The following SAMSN1 variants were observed in gnomAD, a reference collection of about 807,000 sequenced individuals.
The protein encoded by SAMSN1 is SAM domain-containing protein SAMSN-1.
SAMSN1 carries 31 observed loss-of-function variants against 42.0 expected under a neutral mutation model. The ratio of observed to expected loss-of-function variants is 0.74; its 90% CI spans 0.55 to 1.00. The LOEUF (loss-of-function observed/expected upper bound fraction) is 1.00, where lower values mean the gene tolerates loss of function less well. Ranked by LOEUF, SAMSN1 falls within the 50% of genes least tolerant of loss-of-function variation. The pLI, the probability that SAMSN1 is intolerant of heterozygous loss-of-function variation, is 0.00. For missense variants in SAMSN1, 464 were observed against 439.4 expected (o/e 1.06, Z -0.50); for synonymous variants, 178 against 151.9 (o/e 1.17, Z -1.26).
At chr21:14,577,272 ATATATATATATATTTT>A (rs1332959943) in intron 2 of SAMSN1, among the ~76,000 whole-genome samples, 1 of 49,602 alleles carries the variant, frequency 2.0e-5, no homozygotes, top group African/African-American at 1.2e-4. Context: ...ATATATATAT[ATATATATATATATTTT>A]TTTTTTAGAA....
At position 14,510,452 on chromosome 21, in the gene SAMSN1, G is replaced by A. The variant is rs1343654698; in HGVS notation, c.419C>T (p.Thr140Ile). Residue 140 changes from threonine (T) to isoleucine (I), a missense_variant, in exon 5 of 8, where the codon ACA becomes ATA. Coordinates refer to ENST00000400566, the MANE Select transcript of SAMSN1 (RefSeq NM_022136.5). ...YSGQSSSSGI[T>I]SCSDGTSNRD... ...GTTACTTGTACCATCTGAACAGCTT[G>A]TTATGCCACCTGATGAAAGCAGAAG... 4 of 1,614,178 alleles carry A rather than the reference G, an allele frequency of 2.5e-6. No individual in the cohort carries two copies. The African/African-American group carries it at 4.0e-5, about 16-fold the overall frequency.
At chr21:14,634,034 A>G (rs1983399957) in intron 2 of SAMSN1, among the ~76,000 whole-genome samples, 1 of 152,138 alleles carries the variant, frequency 6.6e-6, no homozygotes, top group African/African-American at 2.4e-5. Context: ...ATTAAACTTG[A>G]TTTTTAAAAT....
At chr21:14,540,301 T>G (rs1314620260) in intron 1 of SAMSN1, among the ~76,000 whole-genome samples, 1 of 152,172 alleles carries the variant, frequency 6.6e-6, no homozygotes, top group Non-Finnish European at 1.5e-5. Context: ...TGGGATCTAA[T>G]TGAACTAAAG....
chr21:14,492,649 C>T (rs1986742420), intron 7 of SAMSN1, among the ~76,000 whole-genome samples: 1 of 152,168 alleles, frequency 6.6e-6, no homozygotes, highest in African/African-American at 2.4e-5. Flanking sequence ...AGTGAAAAAT[C>T]TGTGAACACT....
At chr21:14,565,540 T>A (rs1981090535) in intron 2 of SAMSN1, among the ~76,000 whole-genome samples, 1 of 152,138 alleles carries the variant, frequency 6.6e-6, no homozygotes, top group Non-Finnish European at 1.5e-5. Flanking sequence ...TGTATTTGTT[T>A]CCTTTTAACA....
intron 1 of SAMSN1, among the ~76,000 whole-genome samples, chr21:14,646,564 A>G (rs1983717628): frequency 6.6e-6 from 1 of 152,198 alleles, no homozygotes; most frequent in Admixed American, 6.5e-5. Context: ...GCAATAAATA[A>G]TCACCTGAAG....
chr21:14,550,291 C>G (rs1980555513), upstream of SAMSN1, among the ~76,000 whole-genome samples: 1 of 152,050 alleles, frequency 6.6e-6, no homozygotes, highest in Non-Finnish European at 1.5e-5. Context: ...TTTACTAATT[C>G]CTTTCTCTAA....
chr21:14,603,949 T>A (rs968717537), intron 5 of SAMSN1, among the ~76,000 whole-genome samples: 1 of 152,154 alleles, frequency 6.6e-6, no homozygotes, highest in African/African-American at 2.4e-5. Context: ...GATTTTAATG[T>A]AAAATTTCCT....
chr21:14,564,970 C>A (rs1419279819), intron 2 of SAMSN1, among the ~76,000 whole-genome samples: 1 of 151,954 alleles, frequency 6.6e-6, no homozygotes, highest in African/African-American at 2.4e-5. Context: ...AAAGGGCACA[C>A]CAGGGAGCTT....
intron 2 of SAMSN1, chr21:14,581,991 G>A (rs1431646328): frequency 7.5e-6 from 5 of 670,498 alleles, no homozygotes; most frequent in Admixed American, 3.2e-5. Context: ...CAAGAGTTTG[G>A]TTGCTTTTTG....
intron 2 of SAMSN1, among the ~76,000 whole-genome samples, chr21:14,628,712 G>C (rs141899467): frequency 6.6e-6 from 1 of 152,288 alleles, no homozygotes; most frequent in African/African-American, 2.4e-5. Context: ...GTAAATGTCA[G>C]AGCCCAGTCA....
At chr21:14,490,790 C>G (rs897792164) in intron 7 of SAMSN1, among the ~76,000 whole-genome samples, 40 of 152,248 alleles carry the variant, frequency 2.6e-4, no homozygotes, top group Admixed American at 2.5e-3. Context: ...TCTTGCATAT[C>G]TCTTTTTGGA....
intron 2 of SAMSN1, among the ~76,000 whole-genome samples, chr21:14,578,889 G>A (rs895949709): frequency 1.3e-5 from 2 of 151,614 alleles, no homozygotes; most frequent in Non-Finnish European, 2.9e-5. Context: ...CAAAAATGTC[G>A]CCTCTGACTA....
In SAMSN1 at chr21:14,486,574, GATTA is replaced by G. The variant is rs906647612; in HGVS notation, c.920-464_920-461del. Among the ~76,000 whole-genome samples the G allele has an allele frequency of 8.5e-5, 13 of 152,248 alleles. No homozygotes were observed. In the East Asian group the frequency reaches 1.7e-3, roughly 20 times the overall value. ...ACAATTTTAGATTCATGATAATCTAGATTAATTAATAAATTATCACTATAAGTAA... is the reference window on the plus strand; with the variant it reads ...ACAATTTTAGATTCATGATAATCTAGATTAATAAATTATCACTATAAGTAA... On this transcript the variant is annotated intron_variant, in intron 7 of 7. Coordinates refer to ENST00000400566, the MANE Select transcript of SAMSN1 (RefSeq NM_022136.5).
Position 14,580,143 on chromosome 21 carries a change from G to T in SAMSN1, c.261+1993C>A, listed in dbSNP as rs1015247078. Among the ~76,000 whole-genome samples, 20 of 127,474 alleles carry T rather than the reference G, an allele frequency of 1.6e-4. No individual in the cohort carries two copies. In the Admixed American group the frequency reaches 1.7e-3, roughly 11 times the overall value. The allele number at this position is 127,474 out of a possible 152,430, so 83.6% of individuals were successfully genotyped here. A position where few individuals can be genotyped will look rare whatever the true frequency, so the allele number is the denominator to read the frequency against. ...CTGAGTCTAAGGGATGATGGGATGG[G>T]TTCTAACAGAGAGAATTCACATATC... On this transcript the variant is annotated intron_variant, in intron 2 of 8. Transcript: ENST00000285670.
intron 2 of SAMSN1, among the ~76,000 whole-genome samples, chr21:14,577,278 A>AT (rs1310441620): frequency 1.5e-4 from 7 of 47,590 alleles, no homozygotes; most frequent in African/African-American, 8.2e-4. Context: ...ATATATATAT[A>AT]TATATATTTT....
chr21:14,602,012 A>T (rs1411096721), intron 6 of SAMSN1: 1 of 685,588 alleles, frequency 1.5e-6, no homozygotes, highest in South Asian at 1.6e-5. Flanking sequence ...AATGCTGATT[A>T]TTCACATTAC....
chr21:14,603,546 C>T (rs1982491629), intron 5 of SAMSN1, among the ~76,000 whole-genome samples: 1 of 152,038 alleles, frequency 6.6e-6, no homozygotes, highest in Non-Finnish European at 1.5e-5. Context: ...TGAACCCTGG[C>T]CTATTATGCA....
At chr21:14,602,407 CTT>C in intron 5 of SAMSN1, among the ~76,000 whole-genome samples, 1 of 152,246 alleles carries the variant, frequency 6.6e-6, no homozygotes, top group East Asian at 1.9e-4. Context: ...ACAAAAGCCA[CTT>C]CTAACTTCAA....
Sources: gnomAD v4.1 joint callset for allele counts (sites outside exome capture counted in the v4.1 genomes callset) on GRCh38, gnomAD v4.1.1 for gene constraint, MANE v1.5 for transcripts, NCBI Gene and HGNC (gene_info 2026-07-23, HGNC 2026-07-21) for gene names.